The following SULF1 variants were observed in gnomAD, a reference collection of about 807,000 sequenced individuals.
SULF1 encodes the protein sulfatase 1.
In SULF1, 46 loss-of-function variants were observed where a neutral mutation model predicts 110.5. The observed-to-expected ratio is 0.42, with a 90% CI of 0.33 to 0.53. SULF1 has a LOEUF of 0.53. Among genes scored for constraint, SULF1 ranks in the 20% least tolerant of loss-of-function variants. The probability of loss-of-function intolerance (pLI) is 0.12; values close to 1 mark genes in which losing one functional copy is unlikely to be tolerated. For missense variants in SULF1, 941 were observed against 1,094.2 expected (o/e 0.86, Z 1.98); for synonymous variants, 371 against 387.1 (o/e 0.96, Z 0.49).
At chr8:69,475,370 GA>G (rs1373791179) in intron 1 of SULF1, among the ~76,000 whole-genome samples, 1 of 151,782 alleles carries the variant, frequency 6.6e-6, no homozygotes, top group African/African-American at 2.4e-5. Context: ...GAGAGAAAGA[GA>G]GAGGGGGATA....
intron 3 of SULF1, among the ~76,000 whole-genome samples, chr8:69,511,454 C>T (rs1811551169): frequency 1.3e-5 from 2 of 152,180 alleles, no homozygotes; most frequent in African/African-American, 4.8e-5. Flanking sequence ...GATATTTTTA[C>T]TCTGGTCTAG....
At chr8:69,534,680 T>C (rs1051836456) in intron 3 of SULF1, among the ~76,000 whole-genome samples, 9 of 152,314 alleles carry the variant, frequency 5.9e-5, no homozygotes, top group Middle Eastern at 3.4e-3. Context: ...TATAATACTT[T>C]ATTCCACCAC....
At chr8:69,546,482 T>C (rs1164485829) in intron 3 of SULF1, among the ~76,000 whole-genome samples, 2 of 152,254 alleles carry the variant, frequency 1.3e-5, no homozygotes, top group African/African-American at 2.4e-5. Context: ...TTCCAGCTGC[T>C]GTCCACAGGA....
intron 1 of SULF1, among the ~76,000 whole-genome samples, chr8:69,469,836 G>A (rs1273990331): frequency 1.3e-5 from 2 of 152,220 alleles, no homozygotes; most frequent in Non-Finnish European, 2.9e-5. Context: ...GAGATCAGGA[G>A]TTCAAGTCCA....
At chr8:69,566,612 A>G (rs1460740274) in intron 5 of SULF1, among the ~76,000 whole-genome samples, 1 of 152,156 alleles carries the variant, frequency 6.6e-6, no homozygotes, top group Admixed American at 6.5e-5. Context: ...GCACTTCGGG[A>G]GGCTGAGGCA....
upstream of SULF1, among the ~76,000 whole-genome samples, chr8:69,491,740 C>CA (rs199518958): frequency 6.4e-4 from 97 of 152,348 alleles, no homozygotes; most frequent in East Asian, 0.011. Flanking sequence ...GGTCAGCTGT[C>CA]AGTTTCATTC....
chr8:69,607,367 T>C (rs917456240), intron 13 of SULF1, among the ~76,000 whole-genome samples: 1 of 152,162 alleles, frequency 6.6e-6, no homozygotes, highest in African/African-American at 2.4e-5. Flanking sequence ...TTGTGTGTTG[T>C]TGTTTTGTTT....
chr8:69,623,085 TC>T (rs1170246737), intron 14 of SULF1, among the ~76,000 whole-genome samples: 1 of 152,180 alleles, frequency 6.6e-6, no homozygotes, highest in East Asian at 1.9e-4. Flanking sequence ...ACACATGAGT[TC>T]TTGAAAAGGT....
chr8:69,508,162 A>G lies in SULF1; in HGVS notation c.-134+6194A>G, dbSNP rs546901277. Among the ~76,000 whole-genome samples the G allele has an allele frequency of 2.8e-5, 4 of 143,496 alleles. No homozygotes were observed. In the South Asian group the frequency reaches 6.3e-4, roughly 22 times the overall value. The allele number at this position is 143,496 out of a possible 152,430, so 94.1% of individuals were successfully genotyped here. ...CTCTTGTTGCCCAGGCTGAAGTGCA[A>G]TGGCACGATGTCAGCTCACATCAAC... On this transcript the variant is annotated intron_variant, in intron 3 of 22. Transcript: ENST00000402687.
At position 69,582,441 on chromosome 8, in the gene SULF1, C is replaced by T. The variant is rs117869696; in HGVS notation, c.413-3916C>T. 2.0e-3 allele frequency among the ~76,000 whole-genome samples: 297 copies of T among 152,188 alleles called. 1 individual carries two copies. The highest frequency in any genetic ancestry group is 6.0e-3 in the Admixed American group (92 of 15,284). On this transcript the variant is annotated intron_variant, in intron 6 of 22. Coordinates refer to ENST00000402687, the MANE Select transcript of SULF1 (RefSeq NM_001128205.2). The stretch of plus-strand genomic sequence containing the variant: ...TTAGTTGTAGGAGCACTTAACAAGC[C>T]GTTGTTTTGTGCCAGGCACTGTTTT...
At chr8:69,551,819 C>T (rs934093487) in intron 3 of SULF1, among the ~76,000 whole-genome samples, 4 of 152,272 alleles carry the variant, frequency 2.6e-5, no homozygotes, top group Non-Finnish European at 5.9e-5. Flanking sequence ...AGGCCGGGTG[C>T]GGTGGCTCAT....
At chr8:69,592,688 A>G (rs1353559929) in intron 8 of SULF1, among the ~76,000 whole-genome samples, 2 of 152,268 alleles carry the variant, frequency 1.3e-5, no homozygotes, top group Non-Finnish European at 2.9e-5. Flanking sequence ...AGCCTGGGAC[A>G]TACAAGCCAC....
chr8:69,577,875 G>A (rs1358012772), intron 6 of SULF1, among the ~76,000 whole-genome samples: 1 of 152,146 alleles, frequency 6.6e-6, no homozygotes, highest in Non-Finnish European at 1.5e-5. Context: ...TCTGTTCATT[G>A]TCTTATTTAT....
intron 1 of SULF1, among the ~76,000 whole-genome samples, chr8:69,470,270 A>ACTT (rs1809026449): frequency 6.6e-6 from 1 of 152,048 alleles, no homozygotes; most frequent in Non-Finnish European, 1.5e-5. Context: ...ATCATTATTG[A>ACTT]CTTTGGGGAG....
Position 69,603,669 on chromosome 8 carries a change from T to G in SULF1, c.1247+13T>G. The G allele has an allele frequency of 3.1e-6, 5 of 1,606,666 alleles. No homozygotes were observed. The highest frequency in any genetic ancestry group is 4.3e-6 in the Non-Finnish European group (5 of 1,173,194). On this transcript the variant is annotated intron_variant, in intron 12 of 22. Transcript: ENST00000402687. Reference sequence around the variant, plus strand: ...TAGTGGAAAGAGGGTAATTATTGGTTCCTGGGGTGCTTCTGGGAACCAGTC... The same window carrying G: ...TAGTGGAAAGAGGGTAATTATTGGTGCCTGGGGTGCTTCTGGGAACCAGTC...
rs185306200 is a variant in SULF1, at chr8:69,522,158, C to G, written c.-134+20190C>G. 5.0e-4 allele frequency among the ~76,000 whole-genome samples: 76 copies of G among 151,602 alleles called. No individual in the cohort carries two copies. In the East Asian group the frequency reaches 0.015, roughly 30 times the overall value. On this transcript the variant is annotated intron_variant, in intron 3 of 22. Transcript: ENST00000402687. ...CTCCACCTCCTGGGTTCAAACAATT[C>G]TCCTGCCTCAGCCTCCTGAGTAGCT...
chr8:69,627,488 T>C lies in SULF1; in HGVS notation c.1947+182T>C, dbSNP rs113822596. ...AATGATAGTCCTACTGAAAACAATA[T>C]AGAGTATGAGAAGAGACTGGGAACT... is the stretch of plus-strand genomic sequence containing the variant. On this transcript the variant is annotated intron_variant, in intron 16 of 22. Transcript: ENST00000402687. Among the ~76,000 whole-genome samples, 5 of 152,220 alleles carry C rather than the reference T, an allele frequency of 3.3e-5. No homozygotes were observed. In the East Asian group the frequency reaches 9.6e-4, roughly 29 times the overall value.
chr8:69,477,273 A>G (rs1056743790), intron 1 of SULF1, among the ~76,000 whole-genome samples: 10 of 152,258 alleles, frequency 6.6e-5, no homozygotes, highest in East Asian at 1.9e-4. Context: ...AAACGGGGGG[A>G]AAAATAAGCT....
chr8:69,616,102 CAT>C (rs574296930), intron 13 of SULF1, among the ~76,000 whole-genome samples: 30 of 135,802 alleles, frequency 2.2e-4, no homozygotes, highest in African/African-American at 6.0e-4. Flanking sequence ...TATATACACA[CAT>C]ATATGTGTGT....
Sources: gnomAD v4.1 joint callset for allele counts (sites outside exome capture counted in the v4.1 genomes callset) on GRCh38, gnomAD v4.1.1 for gene constraint, MANE v1.5 for transcripts, NCBI Gene and HGNC (gene_info 2026-07-23, HGNC 2026-07-21) for gene names.